The following ZNF469 variants were observed in gnomAD, a reference collection of about 807,000 sequenced individuals.
ZNF469 encodes zinc finger protein 469.
In ZNF469, 1 loss-of-function variant was observed where a neutral mutation model predicts 1.0. The ratio of observed to expected loss-of-function variants is 1.00; its 90% CI spans 0.35 to 4.73. The LOEUF is 4.73. Ranked by LOEUF, ZNF469 falls within the 30% of genes most tolerant of loss-of-function variation. The pLI is 0.16. For synonymous variants in ZNF469, 2,703 were observed against 2,363.4 expected, an observed-to-expected ratio of 1.14 and a Z score of -4.17; for missense variants, 6,100 against 5,356.3, an observed-to-expected ratio of 1.14 and a Z score of -4.33.
chr16:88,229,949 CTG>C, the ZNF469 span, among the ~76,000 whole-genome samples: 1 of 152,170 alleles, frequency 6.6e-6, no homozygotes, highest in African/African-American at 2.4e-5. Context: ...CTGGAGGACT[CTG>C]TGCCACTCTG....
chr16:88,369,414 T>C, the ZNF469 span, among the ~76,000 whole-genome samples: 1 of 152,206 alleles, frequency 6.6e-6, no homozygotes, highest in Non-Finnish European at 1.5e-5. Context: ...GGCAGCCCAG[T>C]AGGCTGGGGT....
chr16:88,218,068 A>T, the ZNF469 span, among the ~76,000 whole-genome samples: 1 of 143,370 alleles, frequency 7.0e-6, no homozygotes, highest in Admixed American at 7.1e-5. Context: ...ACAGTGTAAA[A>T]GTGTTCCTAT....
rs922373058 is a variant in ZNF469 at position 88,436,766 on chromosome 16, G to A, written c.9296G>A (p.Gly3099Glu). 2 of 1,547,002 alleles carry A rather than the reference G, an allele frequency of 1.3e-6. No homozygotes were observed. The highest frequency in any genetic ancestry group is 1.7e-6 in the Non-Finnish European group (2 of 1,146,286). Residue 3099 changes from glycine to glutamate, a missense_variant, in exon 3 of 3, where the codon GGG becomes GAG. Gly to Glu is a moderately conservative substitution (Grantham distance 98). Coordinates refer to ENST00000565624, the MANE Select transcript of ZNF469 (RefSeq NM_001367624.2). ...SRRTEEAAGA[G>E]RAQGRGRPAK... Reference sequence around the variant, plus strand: ...AGGACAGAGGAGGCTGCAGGGGCAGGGAGGGCCCAAGGCAGAGGCCGGCCG... The same window carrying A: ...AGGACAGAGGAGGCTGCAGGGGCAGAGAGGGCCCAAGGCAGAGGCCGGCCG...
chr16:88,329,674 G>T, the ZNF469 span, among the ~76,000 whole-genome samples: 1 of 152,236 alleles, frequency 6.6e-6, no homozygotes, highest in Non-Finnish European at 1.5e-5. Context: ...ACAGGGAATT[G>T]GTCCTCATTG....
the ZNF469 span, among the ~76,000 whole-genome samples, chr16:88,220,088 G>A: frequency 1.3e-5 from 2 of 152,182 alleles, no homozygotes; most frequent in African/African-American, 4.8e-5. Context: ...ACAATTTTGT[G>A]TCCAATAGAG....
At chr16:88,120,814 C>A in the ZNF469 span, among the ~76,000 whole-genome samples, 2 of 152,122 alleles carry the variant, frequency 1.3e-5, no homozygotes, top group South Asian at 4.1e-4. Context: ...CCGGAGGAGA[C>A]GCCCGTGTCG....
the ZNF469 span, among the ~76,000 whole-genome samples, chr16:88,316,448 G>C: frequency 9.9e-5 from 15 of 151,968 alleles, no homozygotes; most frequent in African/African-American, 3.6e-4. Flanking sequence ...AGGGTGATGT[G>C]ATCTGACATG....
chr16:88,287,561 A>T, the ZNF469 span, among the ~76,000 whole-genome samples: 85,886 of 152,156 alleles, frequency 0.56, 25,402 homozygotes, highest in East Asian at 0.78. Context: ...ACTGTAGCTC[A>T]CTTTTTATCT....
At chr16:88,259,718 C>T in the ZNF469 span, among the ~76,000 whole-genome samples, 12 of 142,478 alleles carry the variant, frequency 8.4e-5, no homozygotes, top group East Asian at 2.3e-3. The surrounding 1 kb of genome is among the most constrained non-coding windows in gnomAD (Gnocchi z 4.1). Flanking sequence ...CACCAATGTC[C>T]CAGGGTCTCC....
the ZNF469 span, among the ~76,000 whole-genome samples, chr16:88,151,767 G>C: frequency 2.6e-5 from 4 of 152,186 alleles, no homozygotes; most frequent in Non-Finnish European, 4.4e-5. This position sits in a 1 kb window ranked among gnomAD's most constrained non-coding sequence, Gnocchi z 5.4. Flanking sequence ...CTTCTGAATT[G>C]CAAGCTACAG....
At chr16:88,388,787 TACTG>T (rs1353377156) in intron 1 of ZNF469, among the ~76,000 whole-genome samples, 1 of 151,956 alleles carries the variant, frequency 6.6e-6, no homozygotes, top group East Asian at 1.9e-4. Flanking sequence ...CCAATCTCCA[TACTG>T]GAGGAAGCTG....
At chr16:88,391,824 G>A (rs1437235675) in intron 1 of ZNF469, among the ~76,000 whole-genome samples, 1 of 152,206 alleles carries the variant, frequency 6.6e-6, no homozygotes, top group Non-Finnish European at 1.5e-5. Context: ...TTTGAACCCT[G>A]TGCAGGCAGG....
chr16:88,192,815 T>C, the ZNF469 span, among the ~76,000 whole-genome samples: 1 of 148,560 alleles, frequency 6.7e-6, no homozygotes, highest in Non-Finnish European at 1.5e-5. Flanking sequence ...GTAATGATGG[T>C]GATGGTGGTG....
chr16:88,156,593 T>G, the ZNF469 span, among the ~76,000 whole-genome samples: 1 of 152,230 alleles, frequency 6.6e-6, no homozygotes, highest in African/African-American at 2.4e-5. Flanking sequence ...GGATAAAAAT[T>G]AATACCTGCA....
the ZNF469 span, among the ~76,000 whole-genome samples, chr16:88,212,527 T>G: frequency 6.6e-6 from 1 of 152,234 alleles, no homozygotes; most frequent in African/African-American, 2.4e-5. Context: ...ATTAGTGTGA[T>G]TTTTGTCATA....
chr16:88,291,029 C>T, the ZNF469 span, among the ~76,000 whole-genome samples: 6 of 152,296 alleles, frequency 3.9e-5, 1 homozygote, highest in East Asian at 5.8e-4. Flanking sequence ...TGGGAAGTCT[C>T]GCTGAGTGAC....
chr16:88,155,231 A>T, the ZNF469 span, among the ~76,000 whole-genome samples: 2 of 152,240 alleles, frequency 1.3e-5, no homozygotes, highest in Admixed American at 1.3e-4. Context: ...GCTGAGTTCA[A>T]GTCCTGCTTC....
At chr16:88,160,465 G>T in the ZNF469 span, among the ~76,000 whole-genome samples, 3 of 152,260 alleles carry the variant, frequency 2.0e-5, no homozygotes, top group East Asian at 3.9e-4. Flanking sequence ...TGCTGCCTGC[G>T]CACTTTGCAC....
At chr16:88,289,378 G>A in the ZNF469 span, among the ~76,000 whole-genome samples, 1 of 151,630 alleles carries the variant, frequency 6.6e-6, no homozygotes, top group Non-Finnish European at 1.5e-5. Flanking sequence ...GGTGATGATG[G>A]TGATGGTGAT....
Sources: gnomAD v4.1 joint callset for allele counts (sites outside exome capture counted in the v4.1 genomes callset) on GRCh38, gnomAD v4.1.1 for gene constraint, Gnocchi (gnomAD v3.1) non-coding constraint, MANE v1.5 for transcripts, NCBI Gene and HGNC (gene_info 2026-07-23, HGNC 2026-07-21) for gene names.